The following NOX1 variants were observed in gnomAD, a reference collection of about 807,000 sequenced individuals.
NOX1 encodes the protein NADH/NADPH mitogenic oxidase subunit P65-MOX.
NOX1 carries 34 observed loss-of-function variants against 42.5 expected under a neutral mutation model. The observed-to-expected ratio is 0.80, with a 90% CI of 0.61 to 1.07. The LOEUF (loss-of-function observed/expected upper bound fraction) is 1.07. Among genes scored for constraint, NOX1 ranks in the 50% least tolerant of loss-of-function variants. NOX1 has a pLI of 0.00. For synonymous variants in NOX1, 143 were observed against 152.5 expected, an observed-to-expected ratio of 0.94 and a Z score of 0.46; for missense variants, 408 against 427.0, an observed-to-expected ratio of 0.96 and a Z score of 0.39.
chrX:100,872,568 T>A (rs2085281822), intron 1 of NOX1, among the ~76,000 whole-genome samples: 1 of 111,407 alleles, frequency 9.0e-6, no homozygotes, highest in African/African-American at 3.3e-5. Flanking sequence ...GCTTGCCAGC[T>A]GGTTTGGTGG....
At chrX:100,870,651 A>G in intron 2 of NOX1, 68 bp downstream of exon 2, 1 of 753,418 alleles carries the variant, frequency 1.3e-6, no homozygotes. Context: ...GCATTGGGTC[A>G]CAAAGAAGCT....
rs370141889 is a variant in NOX1, at chrX:100,862,358, C to T, written c.671+34G>A. Reference sequence around the variant, plus strand: ...ACAAAGAATTATGCAAGGTCAGGGGCTGGGGCATGAGAATGAGGGTTCGAG... The same window carrying T: ...ACAAAGAATTATGCAAGGTCAGGGGTTGGGGCATGAGAATGAGGGTTCGAG... On this transcript the variant is annotated intron_variant, in intron 6 of 12. Transcript: ENST00000372966. The T allele has an allele frequency of 5.8e-6, 7 of 1,209,034 alleles. No individual in the cohort carries two copies. In the South Asian group the frequency reaches 8.8e-5, roughly 15 times the overall value.
At position 100,843,913 on chromosome X, in the gene NOX1, A is replaced by G; in HGVS notation, c.*39T>C. The G allele has an allele frequency of 2.6e-6, 3 of 1,155,815 alleles. No homozygotes were observed. The East Asian group carries it at 9.0e-5, about 35-fold the overall frequency. On this transcript the variant is annotated 3_prime_UTR_variant, in exon 13 of 13. Transcript: ENST00000372966. ...GACCAAGTAAATTACTGAAGATACA[A>G]AGAGACAAAATGCAGATTACCGTCC...
At chrX:100,858,248 C>CT (rs1372187247) in intron 7 of NOX1, among the ~76,000 whole-genome samples, 1 of 111,470 alleles carries the variant, frequency 9.0e-6, no homozygotes. Flanking sequence ...CATGGATATG[C>CT]AACATTATTT....
At chrX:100,869,022 C>T (rs925073673) in intron 2 of NOX1, among the ~76,000 whole-genome samples, 1 of 111,194 alleles carries the variant, frequency 9.0e-6, no homozygotes. Context: ...TGATATATAT[C>T]TCTGTTTTGG....
At chrX:100,847,652 G>A (rs747862411) in intron 12 of NOX1, among the ~76,000 whole-genome samples, 41 of 107,658 alleles carry the variant, frequency 3.8e-4, no homozygotes, top group Non-Finnish European at 1.9e-4. Flanking sequence ...TGTAATCCCA[G>A]CTACATGGGA....
At chrX:100,866,422 T>C (rs183163454) in intron 2 of NOX1, among the ~76,000 whole-genome samples, 6 of 109,504 alleles carry the variant, frequency 5.5e-5, no homozygotes, top group Admixed American at 9.9e-5. Flanking sequence ...TAAACGATAG[T>C]ACCCACCTCA....
At chrX:100,861,214 A>T (rs192123699) in intron 7 of NOX1, among the ~76,000 whole-genome samples, 57 of 111,672 alleles carry the variant, frequency 5.1e-4, no homozygotes, top group Admixed American at 4.6e-3. Context: ...ATTTTAGTGC[A>T]AGGCGTGAAA....
At chrX:100,866,231 A>C (rs1362102832) in intron 2 of NOX1, among the ~76,000 whole-genome samples, 1 of 109,653 alleles carries the variant, frequency 9.1e-6, no homozygotes, top group Admixed American at 9.8e-5. Context: ...CAAAAAAAAA[A>C]AAAAGAAAGA....
chrX:100,856,628 G>A (rs975881899), intron 7 of NOX1, among the ~76,000 whole-genome samples: 8 of 109,456 alleles, frequency 7.3e-5, no homozygotes, highest in Non-Finnish European at 1.1e-4. Flanking sequence ...GCTGGAGTGC[G>A]GTGGTGCCAT....
chrX:100,860,463 T>C (rs1393439534), intron 7 of NOX1, among the ~76,000 whole-genome samples: 2 of 111,548 alleles, frequency 1.8e-5, no homozygotes, highest in Non-Finnish European at 3.8e-5. Context: ...CATTAGCAGG[T>C]TTTTTAATCT....
rs2085091284 is a variant in NOX1 at position 100,848,713 on chromosome X, G to A, written c.1485C>T (p.Ile495=). 6 of 1,209,427 alleles carry A rather than the reference G, an allele frequency of 5.0e-6. No homozygotes were observed. The South Asian group carries it at 5.3e-5, about 11-fold the overall frequency. The part of the protein sequence containing the change: ...AALNFDKATD[I]VTGLKQKTSF... ...AGGTTTTCTGTTTCAGACCTGTCAC[G>A]ATGTCAGTGGCCTTGTCAAAGTTTA... Residue 495 remains isoleucine (I), a synonymous_variant, in exon 12 of 13, where the codon ATC becomes ATT. Coordinates refer to ENST00000372966, the MANE Select transcript of NOX1 (RefSeq NM_007052.5).
chrX:100,847,754 G>A (rs904172801), intron 12 of NOX1, among the ~76,000 whole-genome samples: 8 of 64,898 alleles, frequency 1.2e-4, no homozygotes, highest in Admixed American at 9.4e-4. Context: ...CGACAAGAGC[G>A]AAACTCCATC....
At chrX:100,848,524 T>A (rs2085089363) in intron 12 of NOX1, 106 bp downstream of exon 12, 5 of 719,369 alleles carry the variant, frequency 7.0e-6, no homozygotes, top group Non-Finnish European at 7.8e-6. Context: ...ACTCCTGACC[T>A]CAGGTGATCC....
intron 12 of NOX1, among the ~76,000 whole-genome samples, chrX:100,848,179 G>A (rs904289548): frequency 9.0e-6 from 1 of 111,223 alleles, no homozygotes; most frequent in African/African-American, 3.3e-5. Flanking sequence ...AAATTTCCTC[G>A]GTCTTCACCA....
intron 1 of NOX1, among the ~76,000 whole-genome samples, chrX:100,872,856 T>C (rs2085283966): frequency 9.0e-6 from 1 of 110,621 alleles, no homozygotes; most frequent in African/African-American, 3.3e-5. Flanking sequence ...TCAAAGTACT[T>C]GCCAGGTTCC....
intron 7 of NOX1, among the ~76,000 whole-genome samples, chrX:100,857,761 G>GTTT (rs2085177361): frequency 9.6e-6 from 1 of 104,374 alleles, no homozygotes; most frequent in South Asian, 4.1e-4. Flanking sequence ...GATAATTTGT[G>GTTT]TTTTTTTGTT....
intron 7 of NOX1, among the ~76,000 whole-genome samples, chrX:100,854,311 G>A (rs2085152201): frequency 9.0e-6 from 1 of 111,258 alleles, no homozygotes; most frequent in South Asian, 3.8e-4. Flanking sequence ...TTTTAAATGG[G>A]GTGAATATGG....
intron 7 of NOX1, chrX:100,856,227 T>C (rs2085166094): frequency 7.1e-6 from 7 of 990,281 alleles, no homozygotes; most frequent in Middle Eastern, 3.7e-4. Context: ...CTGGAGCGCT[T>C]GGTGTTTGGA....
Sources: gnomAD v4.1 joint callset for allele counts (sites outside exome capture counted in the v4.1 genomes callset) on GRCh38, gnomAD v4.1.1 for gene constraint, MANE v1.5 for transcripts, NCBI Gene and HGNC (gene_info 2026-07-23, HGNC 2026-07-21) for gene names.